Variants in LRRTM4 observed in about 807,000 individuals in gnomAD.
LRRTM4 encodes the protein leucine rich repeat transmembrane neuronal 4, also known as leucine-rich repeat transmembrane neuronal protein 4.
In LRRTM4, 25 loss-of-function variants were observed where a neutral mutation model predicts 47.6. The observed-to-expected ratio is 0.53, with a 90% confidence interval of 0.38 to 0.73. The LOEUF (loss-of-function observed/expected upper bound fraction) is 0.73, where lower values mean the gene tolerates loss of function less well. Ranked by LOEUF, LRRTM4 falls within the 30% of genes least tolerant of loss-of-function variation. The probability of loss-of-function intolerance (pLI) is 0.00; values close to 1 mark genes in which losing one functional copy is unlikely to be tolerated. For missense variants in LRRTM4, 638 were observed against 713.4 expected, an observed-to-expected ratio of 0.89 and a Z score of 1.20; for synonymous variants, 311 against 269.5, an observed-to-expected ratio of 1.15 and a Z score of -1.51.
At chr2:77,507,955 G>A (rs534520243) in intron 3 of LRRTM4, among the ~76,000 whole-genome samples, 11 of 152,118 alleles carry the variant, frequency 7.2e-5, no homozygotes, top group Non-Finnish European at 2.9e-5. Flanking sequence ...GTCCCTAGAA[G>A]AGAAGTACGT....
At chr2:77,130,299 G>A (rs1671761327) in intron 3 of LRRTM4, among the ~76,000 whole-genome samples, 1 of 151,972 alleles carries the variant, frequency 6.6e-6, no homozygotes, top group South Asian at 2.1e-4. Flanking sequence ...AATTGTTCAG[G>A]TTATCCAGAA....
At chr2:76,961,613 A>G (rs1475627704) in intron 3 of LRRTM4, among the ~76,000 whole-genome samples, 3 of 151,364 alleles carry the variant, frequency 2.0e-5, no homozygotes, top group African/African-American at 7.3e-5. Context: ...TGGATGTTGG[A>G]CCAATAGTAA....
intron 3 of LRRTM4, among the ~76,000 whole-genome samples, chr2:77,470,476 A>G (rs749417328): frequency 2.0e-5 from 3 of 152,234 alleles, no homozygotes; most frequent in Non-Finnish European, 2.9e-5. Context: ...ATACTAAACT[A>G]CGAGAAGGCA....
rs186406032 is a variant in LRRTM4, at chr2:77,437,444, A to T, written c.1551+80874T>A. 2.1e-3 allele frequency among the ~76,000 whole-genome samples: 315 copies of T among 152,178 alleles called. 3 individuals are homozygous for T. The highest frequency in any genetic ancestry group is 0.011 in the Admixed American group (161 of 15,280). ...TTTAAGCCATGGTGTTAGAACTATT[A>T]CACCTATGTTTGAAATGAAATATAT... On this transcript the variant is annotated intron_variant, in intron 3 of 3. Coordinates refer to ENST00000409884, the MANE Select transcript of LRRTM4 (RefSeq NM_001134745.3).
intron 3 of LRRTM4, among the ~76,000 whole-genome samples, chr2:77,435,801 C>A (rs1477442285): frequency 6.6e-6 from 1 of 152,136 alleles, no homozygotes; most frequent in African/African-American, 2.4e-5. Flanking sequence ...GAGGTGGACA[C>A]AAAACCTTCA....
chr2:77,478,039 T>G (rs13029709), intron 3 of LRRTM4, among the ~76,000 whole-genome samples: 50,921 of 151,782 alleles, frequency 0.34, 8,745 homozygotes, highest in Middle Eastern at 0.36. Flanking sequence ...AGGCTCATAG[T>G]TTTCCAGTAT....
chr2:77,508,653 TAGAA>T (rs1678866714), intron 3 of LRRTM4, among the ~76,000 whole-genome samples: 1 of 152,124 alleles, frequency 6.6e-6, no homozygotes, highest in South Asian at 2.1e-4. Flanking sequence ...TTGAAAAACT[TAGAA>T]AGAAATGTGT....
intron 3 of LRRTM4, among the ~76,000 whole-genome samples, chr2:77,387,188 C>T (rs912397815): frequency 6.6e-6 from 1 of 152,158 alleles, no homozygotes; most frequent in South Asian, 2.1e-4. Context: ...CATGAAATAT[C>T]ATAGGCATTT....
intron 3 of LRRTM4, among the ~76,000 whole-genome samples, chr2:77,270,960 GAGT>G: frequency 6.6e-6 from 1 of 152,232 alleles, no homozygotes; most frequent in East Asian, 1.9e-4. Context: ...TCCCCATTCT[GAGT>G]CCTATGAAGA....
chr2:77,342,353 G>A (rs1447283220), intron 3 of LRRTM4, among the ~76,000 whole-genome samples: 1 of 151,864 alleles, frequency 6.6e-6, no homozygotes, highest in Non-Finnish European at 1.5e-5. Flanking sequence ...TTACTAGTGA[G>A]TAGAGGCCAG....
At position 77,392,389 on chromosome 2, in the gene LRRTM4, A is replaced by G. The variant is rs866577231; in HGVS notation, c.1551+125929T>C. On this transcript the variant is annotated intron_variant, in intron 3 of 3. Coordinates refer to ENST00000409884, the MANE Select transcript of LRRTM4 (RefSeq NM_001134745.3). ...TCTCAGGATCTCCTAAAGCCTTGTC[A>G]TGAGCTATGACCCTTAACCTTGGCA... 2.6e-5 allele frequency among the ~76,000 whole-genome samples: 4 copies of G among 151,954 alleles called. No homozygotes were observed. In the South Asian group the frequency reaches 8.3e-4, roughly 31 times the overall value.
At chr2:77,259,998 T>C (rs912376584) in intron 3 of LRRTM4, among the ~76,000 whole-genome samples, 4 of 151,366 alleles carry the variant, frequency 2.6e-5, no homozygotes, top group Admixed American at 2.6e-4. Context: ...ATGTGGAGAG[T>C]TGCGAAGTGA....
At chr2:76,871,561 G>T (rs1672624438) in intron 3 of LRRTM4, among the ~76,000 whole-genome samples, 1 of 152,130 alleles carries the variant, frequency 6.6e-6, no homozygotes, top group South Asian at 2.1e-4. Flanking sequence ...TTGTATGGTA[G>T]ACAGGTTCTG....
intron 3 of LRRTM4, among the ~76,000 whole-genome samples, chr2:77,324,738 C>T (rs1374866883): frequency 6.6e-6 from 1 of 152,132 alleles, no homozygotes; most frequent in Non-Finnish European, 1.5e-5. Flanking sequence ...TCCCAAGATT[C>T]TTAAGTAAGG....
rs574432973 is a variant in LRRTM4, at chr2:77,242,258, G to A, written c.1551+276060C>T. On this transcript the variant is annotated intron_variant, in intron 3 of 3. Coordinates refer to ENST00000409884, the MANE Select transcript of LRRTM4 (RefSeq NM_001134745.3). The stretch of plus-strand genomic sequence containing the variant: ...GTTGACATCTTAACAATATTAAGTA[G>A]GAATAAATTTCTGTCTGTGACACCA... 1.5e-3 allele frequency among the ~76,000 whole-genome samples: 221 copies of A among 152,006 alleles called. 1 individual carries two copies. The highest frequency in any genetic ancestry group is 5.0e-3 in the African/African-American group (208 of 41,472).
At chr2:77,003,606 C>A (rs1041913010) in intron 3 of LRRTM4, among the ~76,000 whole-genome samples, 1 of 152,132 alleles carries the variant, frequency 6.6e-6, no homozygotes, top group Non-Finnish European at 1.5e-5. Flanking sequence ...GCCTTTCTTG[C>A]CATGTAGAAT....
chr2:77,340,903 G>A (rs1403394529), intron 3 of LRRTM4, among the ~76,000 whole-genome samples: 1 of 151,884 alleles, frequency 6.6e-6, no homozygotes, highest in Admixed American at 6.6e-5. Flanking sequence ...ATTTAACAGT[G>A]CATATCACAC....
At chr2:76,786,708 T>C (rs1045627546) in intron 3 of LRRTM4, among the ~76,000 whole-genome samples, 3 of 152,096 alleles carry the variant, frequency 2.0e-5, no homozygotes, top group Non-Finnish European at 4.4e-5. Context: ...TTCTAAGTGG[T>C]TCCCTTTCAA....
intron 3 of LRRTM4, among the ~76,000 whole-genome samples, chr2:76,904,729 T>C (rs1345572349): frequency 6.6e-6 from 1 of 152,118 alleles, no homozygotes; most frequent in Non-Finnish European, 1.5e-5. Context: ...TACACCACCG[T>C]CAAGTTTTGT....
Sources: gnomAD v4.1 joint callset for allele counts (sites outside exome capture counted in the v4.1 genomes callset) on GRCh38, gnomAD v4.1.1 for gene constraint, MANE v1.5 for transcripts, NCBI Gene and HGNC (gene_info 2026-07-23, HGNC 2026-07-21) for gene names.